The following PTGER3 variants were observed in gnomAD, a reference collection of about 807,000 sequenced individuals.
The protein encoded by PTGER3 is prostaglandin E receptor 3.
In PTGER3, 22 loss-of-function variants were observed where a neutral mutation model predicts 34.7. The observed-to-expected ratio is 0.63, with a 90% CI of 0.45 to 0.91. The LOEUF (loss-of-function observed/expected upper bound fraction) is 0.91, where lower values mean the gene tolerates loss of function less well. Ranked by LOEUF, PTGER3 falls within the 40% of genes least tolerant of loss-of-function variation. The probability of loss-of-function intolerance (pLI) is 0.00; values close to 1 mark genes in which losing one functional copy is unlikely to be tolerated. For synonymous variants in PTGER3, 241 were observed against 230.1 expected (o/e 1.05, Z -0.43); for missense variants, 468 against 519.4 (o/e 0.90, Z 0.96).
At chr1:70,852,590 C>A in exon 5 of PTGER3, 2 of 544,080 alleles carry the variant, frequency 3.7e-6, no homozygotes, top group East Asian at 3.2e-5. Context: ...ATAATGTATA[C>A]GCAAATATAA....
At chr1:70,965,098 G>A (rs1049980041) in intron 2 of PTGER3, among the ~76,000 whole-genome samples, 5 of 152,144 alleles carry the variant, frequency 3.3e-5, no homozygotes, top group African/African-American at 1.2e-4. Context: ...AGATAGAACA[G>A]CATATGAAAA....
rs186901180 is a variant in PTGER3 at position 70,877,022 on chromosome 1, T to C, written c.*24-24163A>G. ...CATTGGTAGTTTGATAGAAATTGCA[T>C]TGAAACTGTAAATTGCTTTGGGAAG... On this transcript the variant is annotated intron_variant, in intron 4 of 4. Transcript: ENST00000370931. Among the ~76,000 whole-genome samples, 101 of 152,334 alleles carry C rather than the reference T, an allele frequency of 6.6e-4. 2 individuals are homozygous for C. Among genetic ancestry groups the C allele is most frequent in the Non-Finnish European group, 3.5e-4 (24 of 68,028 alleles).
chr1:70,858,431 G>A (rs1276184191), intron 4 of PTGER3, among the ~76,000 whole-genome samples: 2 of 152,046 alleles, frequency 1.3e-5, no homozygotes, highest in Non-Finnish European at 2.9e-5. Context: ...GTTTCTGTTG[G>A]TATAGTTTTC....
rs760206190 is a variant in PTGER3, at chr1:70,974,187, A to G, written c.1169+110T>C. On this transcript the variant is annotated intron_variant, in intron 3 of 3. Coordinates refer to ENST00000306666, the MANE Select transcript of PTGER3 (RefSeq NM_198719.2). ...ACTCTTAATCAGATGTATATGTTTA[A>G]TTTGCATTTTAATTCTCAGAGATGG... The G allele has an allele frequency of 4.9e-6, 7 of 1,430,640 alleles. No homozygotes were observed. In the South Asian group the frequency reaches 1.0e-4, roughly 21 times the overall value. 88.6% of individuals were successfully genotyped at this position (1,430,640 alleles called of 1,614,324 possible).
Position 71,046,923 on chromosome 1 carries a change from T to G in PTGER3, c.655A>C (p.Thr219Pro). Reference protein sequence around the residue: ...FISTGRGGNGTSSSHNWGNLF... With the variant: ...FISTGRGGNGPSSSHNWGNLF... ...TTGCCCCAGTTATGCGAAGAGCTAG[T>G]CCCGTTGCCCCCTCGCCCGGTGCTG... The change falls in exon 1 of 4, where the codon ACT becomes CCT. Residue 219 changes from threonine (T) to proline (P), a missense_variant. Around this residue, in one of 5 missense-constraint regions of PTGER3, gnomAD observed 204 missense variants for 230.8 expected, o/e 0.88. Transcript: ENST00000306666. 1 of 1,609,746 alleles carries G rather than the reference T, an allele frequency of 6.2e-7. No homozygotes were observed.
chr1:70,984,134 C>T (rs1278668672), intron 2 of PTGER3, among the ~76,000 whole-genome samples: 2 of 152,094 alleles, frequency 1.3e-5, no homozygotes, highest in African/African-American at 4.8e-5. Flanking sequence ...TGCCTGTAAT[C>T]CCAGCACCTT....
chr1:70,982,249 T>A (rs1156649991), intron 2 of PTGER3, among the ~76,000 whole-genome samples: 1 of 152,182 alleles, frequency 6.6e-6, no homozygotes, highest in Non-Finnish European at 1.5e-5. Context: ...TACAATACTG[T>A]GTGTAATCAC....
intron 4 of PTGER3, among the ~76,000 whole-genome samples, chr1:70,862,747 A>G (rs945363566): frequency 6.6e-6 from 1 of 152,164 alleles, no homozygotes; most frequent in Non-Finnish European, 1.5e-5. Flanking sequence ...GAGGAAAAGA[A>G]GAAAGAAGGG....
intron 2 of PTGER3, among the ~76,000 whole-genome samples, chr1:70,955,742 G>A (rs993290215): frequency 2.0e-5 from 3 of 152,144 alleles, no homozygotes; most frequent in African/African-American, 7.2e-5. Flanking sequence ...TTGGTCATTA[G>A]TTCTCAAAGC....
chr1:70,894,529 C>T (rs888784673), intron 4 of PTGER3, among the ~76,000 whole-genome samples: 1 of 152,096 alleles, frequency 6.6e-6, no homozygotes, highest in African/African-American at 2.4e-5. Flanking sequence ...TGGTTTTCTT[C>T]TACTCTTGCT....
chr1:70,959,075 C>A (rs598566), intron 2 of PTGER3, among the ~76,000 whole-genome samples: 71,173 of 151,982 alleles, frequency 0.47, 18,777 homozygotes, highest in East Asian at 0.72. Flanking sequence ...GTTACTAGAG[C>A]TTTGTAGTAT....
chr1:71,010,563 C>G, intron 2 of PTGER3: 5 of 984,454 alleles, frequency 5.1e-6, no homozygotes, highest in Non-Finnish European at 6.0e-6. Flanking sequence ...GTCACAGGAC[C>G]AACCAAGAGG....
At chr1:70,890,476 A>G (rs989994437) in intron 4 of PTGER3, among the ~76,000 whole-genome samples, 1 of 152,158 alleles carries the variant, frequency 6.6e-6, no homozygotes, top group African/African-American at 2.4e-5. Context: ...TATAATACAA[A>G]ATACTGGTCC....
At chr1:70,978,020 C>T (rs1028188628) in intron 2 of PTGER3, among the ~76,000 whole-genome samples, 6 of 152,096 alleles carry the variant, frequency 3.9e-5, no homozygotes, top group African/African-American at 1.4e-4. Context: ...GTACTCTTAT[C>T]ATCTTCACTT....
At chr1:71,006,199 A>G (rs996739527) in intron 2 of PTGER3, 2 of 985,246 alleles carry the variant, frequency 2.0e-6, no homozygotes, top group Non-Finnish European at 2.4e-6. Context: ...TTGTAGAGAC[A>G]ATAAGATCTG....
chr1:70,879,251 G>GTTTTGT (rs1553158905), intron 4 of PTGER3, among the ~76,000 whole-genome samples: 6 of 151,282 alleles, frequency 4.0e-5, no homozygotes, highest in Non-Finnish European at 8.8e-5. Context: ...TTTGTTTTTT[G>GTTTTGT]TTTGTTTTGT....
chr1:70,965,349 A>T (rs911888376), intron 2 of PTGER3, among the ~76,000 whole-genome samples: 2 of 152,184 alleles, frequency 1.3e-5, no homozygotes, highest in African/African-American at 4.8e-5. Context: ...TGGAGGGGCC[A>T]GGACCAGAAG....
At chr1:70,893,037 C>T (rs535092507) in intron 4 of PTGER3, among the ~76,000 whole-genome samples, 17 of 151,028 alleles carry the variant, frequency 1.1e-4, no homozygotes, top group Admixed American at 5.3e-4. Context: ...AAAAAAAAAA[C>T]GTTTCCTTAC....
At chr1:70,884,692 A>C (rs1255654733) in intron 4 of PTGER3, among the ~76,000 whole-genome samples, 2 of 152,212 alleles carry the variant, frequency 1.3e-5, no homozygotes, top group Non-Finnish European at 2.9e-5. Flanking sequence ...CACTAAATTT[A>C]TGGTGATTTG....
Sources: allele counts gnomAD v4.1 joint callset (sites outside exome capture counted in the v4.1 genomes callset), GRCh38; gene constraint gnomAD v4.1.1; regional missense constraint gnomAD v4.1.1; transcripts MANE v1.5; gene names NCBI Gene and HGNC (gene_info 2026-07-23, HGNC 2026-07-21).